The following TRAPPC8 variants were observed in gnomAD, a reference collection of about 807,000 sequenced individuals.
The protein encoded by TRAPPC8 is trafficking protein particle complex subunit 8.
In TRAPPC8, 54 loss-of-function variants were observed where a neutral mutation model predicts 174.3. The observed-to-expected ratio is 0.31, with a 90% CI of 0.25 to 0.39. TRAPPC8 has a LOEUF of 0.39. Ranked by LOEUF, TRAPPC8 falls within the 10% of genes least tolerant of loss-of-function variation. TRAPPC8 has a pLI of 1.00. For missense variants in TRAPPC8, 1,531 were observed against 1,699.1 expected (o/e 0.90, Z 1.74); for synonymous variants, 630 against 579.9 (o/e 1.09, Z -1.24).
intron 16 of TRAPPC8, 172 bp downstream of exon 16, chr18:31,870,196 TTATG>T: frequency 2.1e-6 from 1 of 476,760 alleles, no homozygotes; most frequent in African/African-American, 2.0e-5. Context: ...CTTCTATTCC[TTATG>T]TTTTTATGTA....
intron 5 of TRAPPC8, among the ~76,000 whole-genome samples, chr18:31,913,075 C>T (rs913055840): frequency 6.6e-6 from 1 of 151,742 alleles, no homozygotes; most frequent in Non-Finnish European, 1.5e-5. Context: ...TTGCAGTGAG[C>T]TGAGATCACA....
At position 31,830,497 on chromosome 18, in the gene TRAPPC8, A is replaced by G. The variant is rs1319018521; in HGVS notation, c.*258T>C. ...TTGTGTTTTCTTAAGATGGGGCTTA[A>G]TAAGGTGCACAAATATGCTGATATC... On this transcript the variant is annotated 3_prime_UTR_variant, in exon 29 of 29. Coordinates refer to ENST00000283351, the MANE Select transcript of TRAPPC8 (RefSeq NM_014939.5). 1 of 408,400 alleles carries G rather than the reference A, an allele frequency of 2.4e-6. No individual in the cohort carries two copies. The highest frequency in any genetic ancestry group is 2.0e-5 in the African/African-American group (1 of 48,782). The allele number at this position is 408,400 out of a possible 1,614,324, so 25.3% of individuals were successfully genotyped here. A position where few individuals can be genotyped will look rare whatever the true frequency, so the allele number is the denominator to read the frequency against.
intron 26 of TRAPPC8, among the ~76,000 whole-genome samples, chr18:31,839,750 ATAAT>A (rs2032984654): frequency 1.3e-5 from 2 of 152,178 alleles, no homozygotes; most frequent in Admixed American, 6.5e-5. Context: ...TAATACTTTA[ATAAT>A]TAATTTCTTC....
intron 2 of TRAPPC8, among the ~76,000 whole-genome samples, chr18:31,925,537 A>G (rs1366032772): frequency 2.0e-5 from 3 of 152,208 alleles, no homozygotes; most frequent in Non-Finnish European, 2.9e-5. Flanking sequence ...TTCTACATCC[A>G]ACTAACAGTA....
intron 25 of TRAPPC8, among the ~76,000 whole-genome samples, chr18:31,849,026 A>G (rs1179838525): frequency 6.6e-6 from 1 of 152,174 alleles, no homozygotes; most frequent in Non-Finnish European, 1.5e-5. Flanking sequence ...ATAATTAAGA[A>G]TTATTAATTT....
intron 16 of TRAPPC8, among the ~76,000 whole-genome samples, chr18:31,869,751 C>T (rs1159437371): frequency 6.6e-6 from 1 of 152,154 alleles, no homozygotes; most frequent in East Asian, 1.9e-4. Flanking sequence ...GCAACATACA[C>T]AGTATGAAGG....
At chr18:31,838,115 G>GTGTACCA (rs1313382786) in intron 27 of TRAPPC8, among the ~76,000 whole-genome samples, 3 of 152,122 alleles carry the variant, frequency 2.0e-5, no homozygotes, top group African/African-American at 7.2e-5. Context: ...AACTACAGGT[G>GTGTACCA]TGTACCACCA....
At chr18:31,837,919 T>C (rs1568030003) in intron 27 of TRAPPC8, among the ~76,000 whole-genome samples, 1 of 147,908 alleles carries the variant, frequency 6.8e-6, no homozygotes, top group East Asian at 2.0e-4. Context: ...ATATAAAGAT[T>C]ACAGAGATAA....
intron 14 of TRAPPC8, among the ~76,000 whole-genome samples, chr18:31,872,506 G>A (rs1235413367): frequency 2.0e-5 from 3 of 151,888 alleles, no homozygotes; most frequent in East Asian, 3.9e-4. Context: ...TGCAACCTCC[G>A]CCTCCTGGGT....
In TRAPPC8 at chr18:31,864,729, T is replaced by C. The variant is rs747961984; in HGVS notation, c.2643A>G (p.Gln881=). The change falls in exon 19 of 29, where the codon CAA becomes CAG. Residue 881 remains glutamine, a synonymous_variant. Coordinates refer to ENST00000283351, the MANE Select transcript of TRAPPC8 (RefSeq NM_014939.5). ...CTTTTGTGTTGTTAAGTCGAGGACC[T>C]TGAATTTCTAAATCCTGCTTCCCTC... ...SVRGKQDLEI[Q]GPRLNNTKEE... is the part of the protein sequence containing the mutation. 4 of 1,612,566 alleles carry C rather than the reference T, an allele frequency of 2.5e-6. No homozygotes were observed. The highest frequency in any genetic ancestry group is 1.3e-5 in the African/African-American group (1 of 74,846).
intron 12 of TRAPPC8, among the ~76,000 whole-genome samples, chr18:31,887,503 G>A (rs995681817): frequency 4.7e-5 from 7 of 149,672 alleles, no homozygotes; most frequent in African/African-American, 7.7e-5. Flanking sequence ...AAAATTACCC[G>A]GGTGTGATGG....
At chr18:31,882,950 C>G (rs1437893145) in intron 12 of TRAPPC8, among the ~76,000 whole-genome samples, 1 of 147,882 alleles carries the variant, frequency 6.8e-6, no homozygotes, top group African/African-American at 2.5e-5. Context: ...TACAGCCAGG[C>G]GCAGTGGCTC....
chr18:31,917,587 A>C lies in TRAPPC8; in HGVS notation c.433T>G (p.Tyr145Asp). ...PALDHEFLNH[Y>D]LACMLVASSS... ...AAATGTCAAAGGATACATGCTAAAT[A>C]GTGGTTCAGAAATTCATGATCCAAT... Residue 145 changes from tyrosine (Y) to aspartate (D), a missense_variant, in exon 3 of 29, where the codon TAT (tyrosine) becomes GAT (aspartate). Tyr to Asp is a radical substitution (Grantham distance 160, BLOSUM62 -3). Transcript: ENST00000283351. 1 of 1,611,932 alleles carries C rather than the reference A, an allele frequency of 6.2e-7. No homozygotes were observed. Among genetic ancestry groups the C allele is most frequent in the Non-Finnish European group, 8.5e-7 (1 of 1,178,648 alleles).
chr18:31,909,893 G>A (rs889893990), intron 5 of TRAPPC8, 133 bp from the exon 6 acceptor site: 76 of 528,180 alleles, frequency 1.4e-4, no homozygotes, highest in Middle Eastern at 1.0e-3. Flanking sequence ...GCATTTTCTC[G>A]TCCTCCAAAT....
intron 5 of TRAPPC8, among the ~76,000 whole-genome samples, chr18:31,910,059 T>A (rs2036842909): frequency 6.6e-6 from 1 of 152,134 alleles, no homozygotes; most frequent in South Asian, 2.1e-4. Flanking sequence ...TACACGAGTG[T>A]TCATATAAGC....
At chr18:31,915,629 G>C (rs2037105788) in intron 4 of TRAPPC8, among the ~76,000 whole-genome samples, 2 of 152,024 alleles carry the variant, frequency 1.3e-5, no homozygotes, top group South Asian at 4.1e-4. Flanking sequence ...GGGCGTGGTG[G>C]CTCACGCCTG....
chr18:31,919,401 C>T (rs983703032), intron 2 of TRAPPC8, among the ~76,000 whole-genome samples: 3 of 151,442 alleles, frequency 2.0e-5, no homozygotes, highest in African/African-American at 4.9e-5. Flanking sequence ...GGCATGGTGG[C>T]GCCCTTGTGC....
chr18:31,923,310 G>C (rs549249695), intron 2 of TRAPPC8, among the ~76,000 whole-genome samples: 24 of 152,040 alleles, frequency 1.6e-4, no homozygotes, highest in Admixed American at 1.6e-3. Flanking sequence ...CAACAGAAAC[G>C]AAGTAGGTGA....
chr18:31,908,071 A>G (rs1161759585), intron 8 of TRAPPC8, among the ~76,000 whole-genome samples: 1 of 152,206 alleles, frequency 6.6e-6, no homozygotes, highest in Non-Finnish European at 1.5e-5. Context: ...TCATTGTTTT[A>G]CAAATAAGGA....
Sources: allele counts gnomAD v4.1 joint callset (sites outside exome capture counted in the v4.1 genomes callset), GRCh38; gene constraint gnomAD v4.1.1; transcripts MANE v1.5; gene names NCBI Gene and HGNC (gene_info 2026-07-23, HGNC 2026-07-21).